The following STIM1 variants were observed in gnomAD, a reference collection of about 807,000 sequenced individuals.
STIM1 encodes the protein stromal interaction molecule 1.
Under a neutral mutation model 74.7 loss-of-function variants are expected in STIM1, and 25 were observed. That is an observed-to-expected ratio of 0.33 (90% CI 0.24 to 0.47). STIM1 has a LOEUF of 0.47. Ranked by LOEUF, STIM1 falls within the 20% of genes least tolerant of loss-of-function variation. The pLI, the probability that STIM1 is intolerant of heterozygous loss-of-function variation, is 1.00. For missense variants in STIM1, 728 were observed against 920.8 expected (o/e 0.79, Z 2.71); for synonymous variants, 328 against 348.8 (o/e 0.94, Z 0.66).
chr11:3,956,714 A>G (rs962757410), intron 1 of STIM1, among the ~76,000 whole-genome samples: 2 of 150,400 alleles, frequency 1.3e-5, no homozygotes, highest in Non-Finnish European at 3.0e-5. Context: ...TTCCAACACT[A>G]TGAGAGGCTA....
chr11:3,884,385 G>A (rs1227996017), intron 1 of STIM1, among the ~76,000 whole-genome samples: 3 of 152,192 alleles, frequency 2.0e-5, no homozygotes, highest in South Asian at 2.1e-4. Flanking sequence ...GAGAGGATGA[G>A]TGAGCAGTGT....
intron 2 of STIM1, among the ~76,000 whole-genome samples, chr11:4,004,863 C>G (rs373206868): frequency 6.6e-6 from 1 of 152,176 alleles, no homozygotes; most frequent in Non-Finnish European, 1.5e-5. Context: ...TATCCAGAAT[C>G]TACAATGAAC....
rs1287089969 is a variant in STIM1 at position 3,967,543 on chromosome 11, C to T, written c.140-9C>T. On this transcript the variant is annotated splice_polypyrimidine_tract_variant and intron_variant, in intron 1 of 12. Transcript: ENST00000526596. ...CTGAGTAATTTTGTCTCTTGCTTTTCTTACACAGAGTTTTGCCGAATTGAC... is the reference window on the plus strand; with the variant it reads ...CTGAGTAATTTTGTCTCTTGCTTTTTTTACACAGAGTTTTGCCGAATTGAC... 5.6e-6 allele frequency: 9 copies of T among 1,614,134 alleles called. No individual in the cohort carries two copies. Among genetic ancestry groups the T allele is most frequent in the Non-Finnish European group, 6.8e-6 (8 of 1,179,968 alleles).
intron 3 of STIM1, among the ~76,000 whole-genome samples, chr11:4,030,856 G>A (rs1217016990): frequency 1.3e-5 from 2 of 152,268 alleles, no homozygotes; most frequent in East Asian, 1.9e-4. Flanking sequence ...GTGCATCTCC[G>A]ATGATACTAC....
chr11:3,906,667 C>T (rs1309761346), intron 1 of STIM1, among the ~76,000 whole-genome samples: 2 of 151,992 alleles, frequency 1.3e-5, no homozygotes, highest in Non-Finnish European at 2.9e-5. Flanking sequence ...TAAATTTTGT[C>T]TAGGTGCTTT....
intron 1 of STIM1, among the ~76,000 whole-genome samples, chr11:3,964,676 A>G (rs2093322725): frequency 6.6e-6 from 1 of 151,864 alleles, no homozygotes; most frequent in South Asian, 2.1e-4. Context: ...TACCTAGGAT[A>G]TGTGTGGATA....
chr11:4,092,191 A>C lies in STIM1; in HGVS notation c.*393A>C. The C allele has an allele frequency of 3.2e-6, 1 of 317,058 alleles. No individual in the cohort carries two copies. The highest frequency in any genetic ancestry group is 6.1e-6 in the Non-Finnish European group (1 of 163,184). The allele number at this position is 317,058 out of a possible 1,614,324, so 19.6% of individuals were successfully genotyped here. A position where few individuals can be genotyped will look rare whatever the true frequency, so the allele number is the denominator to read the frequency against. ...GGCTCCTCCCTCCCACCACTCCCCA[A>C]CTTCCCCTAGCAGTTGCAGGGAAGA... is the stretch of plus-strand genomic sequence containing the variant. On this transcript the variant is annotated 3_prime_UTR_variant, in exon 13 of 13. Transcript: ENST00000526596.
chr11:3,902,889 T>C (rs1205123716), intron 1 of STIM1, among the ~76,000 whole-genome samples: 1 of 152,074 alleles, frequency 6.6e-6, no homozygotes, highest in Non-Finnish European at 1.5e-5. Flanking sequence ...TAAATGATCG[T>C]CAGAAGGGAG....
chr11:3,865,274 T>C (rs2090809908), intron 1 of STIM1, among the ~76,000 whole-genome samples: 1 of 152,206 alleles, frequency 6.6e-6, no homozygotes, highest in Admixed American at 6.5e-5. Flanking sequence ...AGAACAAACT[T>C]ACCCAAGGTT....
chr11:4,060,406 C>A (rs1590682391), intron 5 of STIM1, among the ~76,000 whole-genome samples: 1 of 152,210 alleles, frequency 6.6e-6, no homozygotes, highest in Non-Finnish European at 1.5e-5. Context: ...TATAACATTT[C>A]CCTGTCTGTG....
intron 1 of STIM1, among the ~76,000 whole-genome samples, chr11:3,881,514 G>T (rs1373918319): frequency 6.6e-6 from 1 of 151,396 alleles, no homozygotes; most frequent in African/African-American, 2.4e-5. Flanking sequence ...GGGACTACAG[G>T]TGCCCGCCAC....
At chr11:3,882,691 A>T (rs1330601811) in intron 1 of STIM1, among the ~76,000 whole-genome samples, 1 of 152,212 alleles carries the variant, frequency 6.6e-6, no homozygotes, top group African/African-American at 2.4e-5. Context: ...TTGCTAGGTT[A>T]TATGGTAATT....
chr11:4,091,292 C>T lies in STIM1; in HGVS notation c.1645C>T (p.His549Tyr). ...HGLGSQRDLT[H>Y]SDSESSLHMS... ...CCCCATGTCTTGCAGGGATTTGACCCATTCCGATTCGGAGTCCTCCCTCCA... is the reference window on the plus strand; with the variant it reads ...CCCCATGTCTTGCAGGGATTTGACCTATTCCGATTCGGAGTCCTCCCTCCA... Residue 549 changes from histidine to tyrosine, a missense_variant, in exon 13 of 13, where the codon CAT becomes TAT. Around this residue, in one of 5 missense-constraint regions of STIM1, gnomAD observed 352 missense variants for 370.1 expected, o/e 0.95. Coordinates refer to ENST00000526596, the MANE Select transcript of STIM1 (RefSeq NM_001382567.1). 1 of 1,614,200 alleles carries T rather than the reference C, an allele frequency of 6.2e-7. No individual in the cohort carries two copies. Among genetic ancestry groups the T allele is most frequent in the South Asian group, 1.1e-5 (1 of 91,082 alleles).
At chr11:4,080,858 C>A (rs1360753476) in intron 7 of STIM1, among the ~76,000 whole-genome samples, 1 of 152,160 alleles carries the variant, frequency 6.6e-6, no homozygotes, top group Non-Finnish European at 1.5e-5. Flanking sequence ...CTTCTTCATC[C>A]ATTCTTCCCT....
At chr11:3,951,338 C>G (rs2093145538) in intron 1 of STIM1, among the ~76,000 whole-genome samples, 1 of 152,186 alleles carries the variant, frequency 6.6e-6, no homozygotes, top group Non-Finnish European at 1.5e-5. Flanking sequence ...CAAGAAAAGA[C>G]AAAGAGGGGC....
intron 1 of STIM1, among the ~76,000 whole-genome samples, chr11:3,884,477 G>GA (rs1393074764): frequency 6.6e-6 from 1 of 152,150 alleles, no homozygotes; most frequent in Non-Finnish European, 1.5e-5. Context: ...GCTTGCCTGG[G>GA]ACACTGACTT....
intron 3 of STIM1, among the ~76,000 whole-genome samples, chr11:4,039,884 C>T (rs2094135044): frequency 6.6e-6 from 1 of 152,048 alleles, no homozygotes; most frequent in Non-Finnish European, 1.5e-5. Context: ...TCTCCTGCCT[C>T]AGCCTCCCAA....
chr11:4,059,183 A>G, intron 4 of STIM1, 98 bp from the exon 5 acceptor site: 1 of 1,074,744 alleles, frequency 9.3e-7, no homozygotes. Flanking sequence ...AGCAATCACC[A>G]AGAGCTAGAA....
chr11:3,988,825 T>C (rs2093581547), intron 2 of STIM1, among the ~76,000 whole-genome samples: 2 of 152,198 alleles, frequency 1.3e-5, no homozygotes, highest in South Asian at 2.1e-4. Context: ...TGACTCCATA[T>C]TGTCATTTAA....
Sources: gnomAD v4.1 joint callset for allele counts (sites outside exome capture counted in the v4.1 genomes callset) on GRCh38, gnomAD v4.1.1 for gene constraint, gnomAD v4.1.1 regional missense constraint, MANE v1.5 for transcripts, NCBI Gene and HGNC (gene_info 2026-07-23, HGNC 2026-07-21) for gene names.